DENND11: variants seen among roughly 807,000 people sequenced by gnomAD.
DENND11 encodes DENN domain containing 11, also known as DENN domain-containing protein 11.
A neutral mutation model predicts 49.2 loss-of-function variants in DENND11; 34 were observed. The observed-to-expected ratio is 0.69, with a 90% CI of 0.53 to 0.92. The LOEUF (loss-of-function observed/expected upper bound fraction) is 0.92, where lower values mean the gene tolerates loss of function less well. DENND11 is among the 40% of genes least tolerant of loss of function. The pLI is 0.00. For missense variants in DENND11, 475 were observed against 581.6 expected (o/e 0.82, Z 1.88); for synonymous variants, 238 against 230.3 (o/e 1.03, Z -0.30).
At chr7:141,687,282 T>G (rs1273141166) in intron 1 of DENND11, among the ~76,000 whole-genome samples, 1 of 152,168 alleles carries the variant, frequency 6.6e-6, no homozygotes, top group African/African-American at 2.4e-5. Flanking sequence ...TGATATTTGC[T>G]TCCAGAATTT....
At chr7:141,701,765 C>T in intron 1 of DENND11, 121 bp downstream of exon 1, 1 of 862,878 alleles carries the variant, frequency 1.2e-6, no homozygotes, top group Non-Finnish European at 1.5e-6. Context: ...CGGGGCCGGC[C>T]CTGGTGCGGG....
chr7:141,686,770 TCAGA>T (rs547159839), intron 1 of DENND11, 112 bp from the exon 2 acceptor site: 47 of 716,480 alleles, frequency 6.6e-5, no homozygotes, highest in Non-Finnish European at 9.7e-5. Context: ...TGACTCAGCC[TCAGA>T]CAGACCAGCG....
At chr7:141,683,607 C>A (rs947626493) in intron 3 of DENND11, among the ~76,000 whole-genome samples, 2 of 152,218 alleles carry the variant, frequency 1.3e-5, no homozygotes, top group Admixed American at 6.5e-5. Flanking sequence ...CACACCACTG[C>A]CCTCCAGCCT....
rs78827551 is a variant in DENND11 at position 141,698,814 on chromosome 7, C to T, written c.268+3072G>A. Among the ~76,000 whole-genome samples, 13 of 152,276 alleles carry T rather than the reference C, an allele frequency of 8.5e-5. No homozygotes were observed. The East Asian group carries it at 2.3e-3, about 27-fold the overall frequency. On this transcript the variant is annotated intron_variant, in intron 1 of 8. Coordinates refer to ENST00000536163, the MANE Select transcript of DENND11 (RefSeq NM_001080392.2). ...CCTAATGAATGTACAGCTATGAATT[C>T]TCTTCTTCCTCTTTCACTCTCCCTC...
At chr7:141,673,843 C>A (rs1243364851) in intron 4 of DENND11, among the ~76,000 whole-genome samples, 1 of 152,118 alleles carries the variant, frequency 6.6e-6, no homozygotes, top group African/African-American at 2.4e-5. Context: ...ATCACACACG[C>A]CTTTATACTA....
chr7:141,676,118 T>C (rs1042085648), intron 3 of DENND11, among the ~76,000 whole-genome samples: 2 of 152,172 alleles, frequency 1.3e-5, no homozygotes, highest in African/African-American at 2.4e-5. Flanking sequence ...AAGGCAATTA[T>C]GTTCAAAGGT....
intron 1 of DENND11, among the ~76,000 whole-genome samples, chr7:141,687,067 G>GA (rs935824154): frequency 4.6e-5 from 7 of 152,004 alleles, no homozygotes; most frequent in African/African-American, 1.5e-4. Context: ...TAATGACTGG[G>GA]AAAAAATCCC....
chr7:141,666,987 T>C (rs13244249), intron 4 of DENND11, among the ~76,000 whole-genome samples: 17,775 of 152,146 alleles, frequency 0.12, 1,406 homozygotes, highest in East Asian at 0.35. Flanking sequence ...TGCTGTGGCG[T>C]GATCTTGGCT....
At position 141,662,938 on chromosome 7, in the gene DENND11, T is replaced by C. The variant is rs1294622508; in HGVS notation, c.1173-87A>G. On this transcript the variant is annotated intron_variant, in intron 8 of 8. Transcript: ENST00000536163. ...ATCCACATATGGGGAACCAAAACTA[T>C]ACTGTTTTGTTTAATGTACTTTTCA... The C allele has an allele frequency of 5.2e-6, 5 of 955,480 alleles. No individual in the cohort carries two copies. The South Asian group carries it at 7.8e-5, about 15-fold the overall frequency. The allele number at this position is 955,480 out of a possible 1,614,324, so 59.2% of individuals were successfully genotyped here. A position where few individuals can be genotyped will look rare whatever the true frequency, so the allele number is the denominator to read the frequency against.
chr7:141,690,921 A>G (rs1798317804), intron 1 of DENND11, among the ~76,000 whole-genome samples: 1 of 152,186 alleles, frequency 6.6e-6, no homozygotes, highest in African/African-American at 2.4e-5. Flanking sequence ...TTAAAGGAGT[A>G]TCTTAAATCT....
At chr7:141,675,540 A>C (rs1020865617) in intron 3 of DENND11, among the ~76,000 whole-genome samples, 2 of 152,226 alleles carry the variant, frequency 1.3e-5, no homozygotes, top group Non-Finnish European at 2.9e-5. Flanking sequence ...TCACTGAGCA[A>C]GGGAAACATC....
At chr7:141,670,698 G>T (rs1334403079) in intron 4 of DENND11, among the ~76,000 whole-genome samples, 1 of 152,216 alleles carries the variant, frequency 6.6e-6, no homozygotes, top group African/African-American at 2.4e-5. Flanking sequence ...CCATCATAAG[G>T]TCGAAAAATC....
Position 141,702,118 on chromosome 7 carries a change from G to A in DENND11, c.36C>T (p.Arg12=). The A allele has an allele frequency of 1.0e-6, 1 of 983,634 alleles. No homozygotes were observed. Among genetic ancestry groups the A allele is most frequent in the South Asian group, 4.6e-5 (1 of 21,796 alleles). The allele number at this position is 983,634 out of a possible 1,614,324, so 60.9% of individuals were successfully genotyped here. ...GGGAGACGGCGGGGCCCTCGGCCCAGCGCAGCAGCGGCGCCGCGTCTCCCT... is the reference window on the plus strand; with the variant it reads ...GGGAGACGGCGGGGCCCTCGGCCCAACGCAGCAGCGGCGCCGCGTCTCCCT... ...VEQGDAAPLL[R]WAEGPAVSLP... is the part of the protein sequence containing the mutation. The change falls in exon 1 of 9, where the codon CGC becomes CGT. Residue 12 remains arginine (R), a synonymous_variant. Coordinates refer to ENST00000536163, the MANE Select transcript of DENND11 (RefSeq NM_001080392.2).
At chr7:141,673,275 A>G (rs949436746) in intron 4 of DENND11, among the ~76,000 whole-genome samples, 1 of 152,140 alleles carries the variant, frequency 6.6e-6, no homozygotes, top group Non-Finnish European at 1.5e-5. Flanking sequence ...ATTTACTTTT[A>G]TTTTAGAGAA....
At chr7:141,686,695 C>T in intron 1 of DENND11, 37 bp from the exon 2 acceptor site, 2 of 1,466,614 alleles carry the variant, frequency 1.4e-6, no homozygotes, top group East Asian at 2.3e-5. Flanking sequence ...AAAGAAACAA[C>T]ATCATTCAAA....
Position 141,674,184 on chromosome 7 carries a change from C to T in DENND11, c.564G>A (p.Leu188=), listed in dbSNP as rs1345503237. ...QLEMPGHYSH[L]AAFYEDKKGV... ...CCTTTTTGTCCTCATAGAAGGCAGCCAGATGAGAGTAATGTCCTGGCATCT... is the reference window on the plus strand; with the variant it reads ...CCTTTTTGTCCTCATAGAAGGCAGCTAGATGAGAGTAATGTCCTGGCATCT... The change falls in exon 4 of 9, where the codon CTG becomes CTA. Residue 188 remains leucine (L), a synonymous_variant. Transcript: ENST00000536163. 1.9e-6 allele frequency: 3 copies of T among 1,553,754 alleles called. No individual in the cohort carries two copies. The highest frequency in any genetic ancestry group is 2.6e-6 in the Non-Finnish European group (3 of 1,148,590).
In DENND11 at chr7:141,685,611, CGAA is replaced by C. The variant is rs1440746139; in HGVS notation, c.391_393del (p.Phe131del). 2.5e-6 allele frequency: 4 copies of C among 1,613,856 alleles called. No individual in the cohort carries two copies. The highest frequency in any genetic ancestry group is 3.4e-6 in the Non-Finnish European group (4 of 1,179,900). On this transcript the variant is annotated inframe_deletion, in exon 3 of 9. Transcript: ENST00000536163. ...GGCATGTTGGCAAAGCAGGCCAGGC[CGAA>C]GAAGGGCCCCTTTCGGAAATAGCTA...
At chr7:141,689,792 A>T (rs181359838) in intron 1 of DENND11, among the ~76,000 whole-genome samples, 1 of 152,282 alleles carries the variant, frequency 6.6e-6, no homozygotes, top group East Asian at 1.9e-4. Flanking sequence ...GTTTCTACAA[A>T]ATGTAATTAT....
Position 141,662,269 on chromosome 7 carries a change from C to T in DENND11, c.*387G>A. ...CCTTTAGGCAGATGAACATCTAAGG[C>T]CACAGGGGACAGGTGGTTGTCTTAT... On this transcript the variant is annotated 3_prime_UTR_variant, in exon 9 of 9. Transcript: ENST00000536163. 1 of 185,892 alleles carries T rather than the reference C, an allele frequency of 5.4e-6. No individual in the cohort carries two copies. Among genetic ancestry groups the T allele is most frequent in the Non-Finnish European group, 1.1e-5 (1 of 91,290 alleles). The allele number at this position is 185,892 out of a possible 1,614,324, so 11.5% of individuals were successfully genotyped here.
Sources: gnomAD v4.1 joint callset for allele counts (sites outside exome capture counted in the v4.1 genomes callset) on GRCh38, gnomAD v4.1.1 for gene constraint, MANE v1.5 for transcripts, NCBI Gene and HGNC (gene_info 2026-07-23, HGNC 2026-07-21) for gene names.